The following IGF2BP3 variants were observed in gnomAD, a reference collection of about 807,000 sequenced individuals.
IGF2BP3 encodes the protein insulin like growth factor 2 mRNA binding protein 3.
IGF2BP3 carries 9 observed loss-of-function variants against 73.8 expected under a neutral mutation model. The ratio of observed to expected loss-of-function variants is 0.12; its 90% CI spans 0.07 to 0.21. The LOEUF is 0.21. IGF2BP3 is among the 10% of genes least tolerant of loss of function. The pLI is 1.00. For synonymous variants in IGF2BP3, 258 were observed against 256.7 expected, an observed-to-expected ratio of 1.01 and a Z score of -0.05; for missense variants, 542 against 714.0, an observed-to-expected ratio of 0.76 and a Z score of 2.75.
intron 2 of IGF2BP3, among the ~76,000 whole-genome samples, chr7:23,447,926 G>A (rs1042379890): frequency 6.6e-6 from 1 of 152,166 alleles, no homozygotes; most frequent in African/African-American, 2.4e-5. Flanking sequence ...GTTGCAGTGA[G>A]CCATGGTCAC....
intron 9 of IGF2BP3, 86 bp from the exon 10 acceptor site, chr7:23,342,275 T>A: frequency 7.1e-7 from 1 of 1,408,250 alleles, no homozygotes; most frequent in Non-Finnish European, 1.0e-6. Flanking sequence ...TTCAAACTGA[T>A]CTCTTGTCTA....
intron 3 of IGF2BP3, among the ~76,000 whole-genome samples, chr7:23,411,077 T>C (rs1301618502): frequency 6.6e-6 from 1 of 152,078 alleles, no homozygotes; most frequent in African/African-American, 2.4e-5. Context: ...ACCGAGAACA[T>C]GCAGTTTATC....
chr7:23,439,472 T>A (rs1310246120), intron 2 of IGF2BP3, among the ~76,000 whole-genome samples: 1 of 134,022 alleles, frequency 7.5e-6, no homozygotes, highest in Non-Finnish European at 1.5e-5. Flanking sequence ...GGCAGGAGAA[T>A]GGCGTGAGTA....
intron 3 of IGF2BP3, among the ~76,000 whole-genome samples, chr7:23,372,317 C>T (rs1221626144): frequency 1.3e-5 from 2 of 149,906 alleles, no homozygotes; most frequent in Non-Finnish European, 2.9e-5. Context: ...TCGTGATCTG[C>T]CCCCCCTGGC....
chr7:23,378,550 G>A (rs1318936159), intron 3 of IGF2BP3, among the ~76,000 whole-genome samples: 1 of 141,344 alleles, frequency 7.1e-6, no homozygotes, highest in Non-Finnish European at 1.5e-5. Context: ...GCACCACCAT[G>A]CCAGGCTAAT....
At chr7:23,336,899 G>C (rs1676573546) in intron 10 of IGF2BP3, among the ~76,000 whole-genome samples, 1 of 151,708 alleles carries the variant, frequency 6.6e-6, no homozygotes, top group South Asian at 2.1e-4. Context: ...AGTGAACCGA[G>C]ATTGCGCCAC....
At chr7:23,421,367 G>A (rs1787340029) in intron 2 of IGF2BP3, among the ~76,000 whole-genome samples, 1 of 39,336 alleles carries the variant, frequency 2.5e-5, no homozygotes, top group Non-Finnish European at 9.2e-5. Flanking sequence ...ATAATTCATA[G>A]ATTTCACAAC....
At chr7:23,328,336 G>A (rs1784357729) in intron 10 of IGF2BP3, among the ~76,000 whole-genome samples, 1 of 152,118 alleles carries the variant, frequency 6.6e-6, no homozygotes, top group African/African-American at 2.4e-5. Context: ...AGCCTCCTGA[G>A]TAGCTGGGAT....
At chr7:23,459,518 A>G (rs553857344) in intron 2 of IGF2BP3, among the ~76,000 whole-genome samples, 2 of 152,274 alleles carry the variant, frequency 1.3e-5, no homozygotes, top group African/African-American at 4.8e-5. Context: ...CAAATCACGC[A>G]TTTAGACCAC....
chr7:23,394,430 G>A (rs887520267), intron 3 of IGF2BP3, among the ~76,000 whole-genome samples: 3 of 152,170 alleles, frequency 2.0e-5, no homozygotes, highest in African/African-American at 7.2e-5. Context: ...TCATGCCACT[G>A]CACTCCAGCC....
At chr7:23,313,201 A>T (rs1172480794) in intron 13 of IGF2BP3, among the ~76,000 whole-genome samples, 1 of 152,232 alleles carries the variant, frequency 6.6e-6, no homozygotes, top group African/African-American at 2.4e-5. Context: ...TTACAGATGT[A>T]ACAAGCTGTA....
At chr7:23,422,042 A>G (rs1787363791) in intron 2 of IGF2BP3, among the ~76,000 whole-genome samples, 1 of 152,024 alleles carries the variant, frequency 6.6e-6, no homozygotes, top group Non-Finnish European at 1.5e-5. Context: ...ACCTCCCCAA[A>G]GTGCTGGGAT....
intron 3 of IGF2BP3, among the ~76,000 whole-genome samples, chr7:23,395,103 G>A (rs1265689758): frequency 6.6e-6 from 1 of 152,160 alleles, no homozygotes; most frequent in Admixed American, 6.5e-5. Context: ...CAGCCATAAG[G>A]AGCAGCCCTC....
At chr7:23,340,498 A>ATTCTACT (rs1562684759) in intron 10 of IGF2BP3, among the ~76,000 whole-genome samples, 1 of 152,176 alleles carries the variant, frequency 6.6e-6, no homozygotes, top group Non-Finnish European at 1.5e-5. Flanking sequence ...TTTACTCTAC[A>ATTCTACT]TATTTATTCT....
chr7:23,431,571 A>G (rs1787677500), intron 2 of IGF2BP3, among the ~76,000 whole-genome samples: 1 of 152,180 alleles, frequency 6.6e-6, no homozygotes, highest in South Asian at 2.1e-4. Context: ...ACTAAAGAAA[A>G]GCATACTTCC....
chr7:23,437,485 AAAATAAAT>A (rs71770418), intron 2 of IGF2BP3, among the ~76,000 whole-genome samples: 52,792 of 148,446 alleles, frequency 0.36, 9,642 homozygotes, highest in Middle Eastern at 0.43. Flanking sequence ...CTTCATTTCA[AAAATAAAT>A]AAATAAATAA....
chr7:23,353,574 C>G (rs1387924935), intron 5 of IGF2BP3, among the ~76,000 whole-genome samples: 1 of 152,228 alleles, frequency 6.6e-6, no homozygotes, highest in Non-Finnish European at 1.5e-5. Flanking sequence ...TACAAATGGA[C>G]CAGTCCTTTC....
chr7:23,373,458 A>T (rs1385491113), intron 3 of IGF2BP3, among the ~76,000 whole-genome samples: 1 of 147,736 alleles, frequency 6.8e-6, no homozygotes, highest in African/African-American at 2.4e-5. Context: ...CCACAAGGAG[A>T]TACCACTTCA....
At chr7:23,367,503 T>C (rs1785413263) in intron 3 of IGF2BP3, among the ~76,000 whole-genome samples, 3 of 151,476 alleles carry the variant, frequency 2.0e-5, no homozygotes, top group African/African-American at 7.3e-5. Context: ...TCCAACACTT[T>C]CACAAGTTCC....
Sources: allele counts gnomAD v4.1 joint callset (sites outside exome capture counted in the v4.1 genomes callset), GRCh38; gene constraint gnomAD v4.1.1; transcripts MANE v1.5; gene names NCBI Gene and HGNC (gene_info 2026-07-23, HGNC 2026-07-21).